FNBP1L: variants seen among roughly 807,000 people sequenced by gnomAD.
The protein encoded by FNBP1L is formin binding protein 1 like.
A neutral mutation model predicts 91.2 loss-of-function variants in FNBP1L; 36 were observed. The ratio of observed to expected loss-of-function variants is 0.39; its 90% CI spans 0.30 to 0.52. FNBP1L has a LOEUF of 0.52. Among genes scored for constraint, FNBP1L ranks in the 20% least tolerant of loss-of-function variants. FNBP1L has a pLI of 0.66. For missense variants in FNBP1L, 571 were observed against 732.1 expected, an observed-to-expected ratio of 0.78 and a Z score of 2.54; for synonymous variants, 242 against 237.0, an observed-to-expected ratio of 1.02 and a Z score of -0.19.
At chr1:93,528,099 C>T (rs577682012) in intron 5 of FNBP1L, among the ~76,000 whole-genome samples, 10 of 151,928 alleles carry the variant, frequency 6.6e-5, no homozygotes, top group Non-Finnish European at 1.5e-4. Flanking sequence ...AGGTTCATTT[C>T]CAAAATAGTA....
chr1:93,517,043 CTTT>C (rs370353493), intron 2 of FNBP1L, among the ~76,000 whole-genome samples: 6 of 141,408 alleles, frequency 4.2e-5, no homozygotes, highest in Non-Finnish European at 4.6e-5. Flanking sequence ...TTTCCTCTTC[CTTT>C]TTTTTTTTTT....
At chr1:93,504,589 C>T (rs539114172) in intron 2 of FNBP1L, among the ~76,000 whole-genome samples, 14 of 152,146 alleles carry the variant, frequency 9.2e-5, no homozygotes, top group African/African-American at 2.4e-4. Context: ...CTCTTTTGTC[C>T]GGCTGAAAGA....
intron 4 of FNBP1L, 134 bp downstream of exon 4, chr1:93,523,625 A>G (rs1406227283): frequency 1.1e-6 from 1 of 911,134 alleles, no homozygotes; most frequent in African/African-American, 1.7e-5. Flanking sequence ...GCTAAAAATT[A>G]TCACAAAATA....
At chr1:93,517,333 CT>C (rs375386698) in intron 2 of FNBP1L, among the ~76,000 whole-genome samples, 42 of 151,242 alleles carry the variant, frequency 2.8e-4, no homozygotes, top group African/African-American at 9.4e-4. Context: ...TCTTTTTTTT[CT>C]TTTTTTTAAG....
intron 1 of FNBP1L, among the ~76,000 whole-genome samples, chr1:93,490,341 G>T (rs2101716616): frequency 6.6e-6 from 1 of 152,170 alleles, no homozygotes; most frequent in Admixed American, 6.5e-5. Flanking sequence ...CTTTAATTTA[G>T]AATATTTTCC....
At position 93,547,378 on chromosome 1, in the gene FNBP1L, G is replaced by A. The variant is rs374491712; in HGVS notation, c.1439G>A (p.Gly480Asp). The A allele has an allele frequency of 2.0e-5, 32 of 1,562,338 alleles. No individual in the cohort carries two copies. The African/African-American group carries it at 3.5e-4, about 17-fold the overall frequency. The change falls in exon 14 of 17, where the codon GGT (glycine) becomes GAT (aspartate). Residue 480 changes from glycine to aspartate, a missense_variant. Gly to Asp is a moderately conservative substitution (Grantham distance 94, BLOSUM62 -1). This residue lies in a region of FNBP1L where 189 missense variants were observed against 219.7 expected (regional missense o/e 0.86). Coordinates refer to ENST00000271234, the MANE Select transcript of FNBP1L (RefSeq NM_001164473.3). The stretch of plus-strand genomic sequence containing the variant: ...CTCTCTGAAGTCGAAGGCAAAACAG[G>A]TGGGAGAGGAGACAGAAGACATAGC... Reference protein sequence around the residue: ...AWLSEVEGKTGGRGDRRHSSD... With the variant: ...AWLSEVEGKTDGRGDRRHSSD...
chr1:93,536,327 A>G lies in FNBP1L; in HGVS notation c.991-5A>G, dbSNP rs1671849364. The G allele has an allele frequency of 3.4e-6, 5 of 1,459,710 alleles. No homozygotes were observed. The highest frequency in any genetic ancestry group is 3.6e-6 in the Non-Finnish European group (4 of 1,104,938). 90.4% of individuals were successfully genotyped at this position (1,459,710 alleles called of 1,614,324 possible). A position where few individuals can be genotyped will look rare whatever the true frequency, so the allele number is the denominator to read the frequency against. ...TATTGATTCCTTTCTTTATTTCCATATTAGCCACAGTCCCCACCCTTAACC... is the reference window on the plus strand; with the variant it reads ...TATTGATTCCTTTCTTTATTTCCATGTTAGCCACAGTCCCCACCCTTAACC... On this transcript the variant is annotated splice_polypyrimidine_tract_variant and splice_region_variant and intron_variant, in intron 9 of 16. Transcript: ENST00000271234.
Position 93,523,445 on chromosome 1 carries a change from G to A in FNBP1L, c.296G>A (p.Gly99Asp). The A allele has an allele frequency of 1.2e-6, 2 of 1,610,322 alleles. No individual in the cohort carries two copies. Among genetic ancestry groups the A allele is most frequent in the Non-Finnish European group, 1.7e-6 (2 of 1,178,154 alleles). ...GAAGAAATGGCGCACAGAGTGTATGGTGAATTAATGAGATATGCTCATGAT... is the reference window on the plus strand; with the variant it reads ...GAAGAAATGGCGCACAGAGTGTATGATGAATTAATGAGATATGCTCATGAT... ...VAEEMAHRVY[G>D]ELMRYAHDLK... The change falls in exon 4 of 17, where the codon GGT becomes GAT. Residue 99 changes from glycine to aspartate, a missense_variant. Gly to Asp is a moderately conservative substitution (Grantham distance 94). This residue lies in a region of FNBP1L where 220 missense variants were observed against 313.6 expected (regional missense o/e 0.70). Coordinates refer to ENST00000271234, the MANE Select transcript of FNBP1L (RefSeq NM_001164473.3).
intron 1 of FNBP1L, among the ~76,000 whole-genome samples, chr1:93,468,488 T>A (rs1233891929): frequency 6.6e-6 from 1 of 152,224 alleles, no homozygotes; most frequent in Non-Finnish European, 1.5e-5. Context: ...TGGAGTGCAG[T>A]GGCACAGTCT....
intron 1 of FNBP1L, among the ~76,000 whole-genome samples, chr1:93,487,779 T>C (rs566841980): frequency 2.0e-5 from 3 of 152,234 alleles, no homozygotes; most frequent in Non-Finnish European, 4.4e-5. Flanking sequence ...CTCCTCAGTG[T>C]CCTTTGCTGG....
chr1:93,547,465 A>T, intron 14 of FNBP1L, 24 bp downstream of exon 14: 1 of 1,529,102 alleles, frequency 6.5e-7, no homozygotes, highest in Non-Finnish European at 8.9e-7. Context: ...TTTTATTTGT[A>T]TTTCTTCTCC....
At chr1:93,549,471 T>C in intron 15 of FNBP1L, 45 bp downstream of exon 15, 1 of 1,422,462 alleles carries the variant, frequency 7.0e-7, no homozygotes. Flanking sequence ...ATTGGTTCTT[T>C]AAAAGTATTT....
In FNBP1L at chr1:93,499,507, A is replaced by G. The variant is rs1670375646; in HGVS notation, c.64A>G (p.Ile22Val). The G allele has an allele frequency of 6.2e-7, 1 of 1,606,000 alleles. No homozygotes were observed. The highest frequency in any genetic ancestry group is 8.5e-7 in the Non-Finnish European group (1 of 1,176,340). The change falls in exon 2 of 17, where the codon ATT becomes GTT. Residue 22 changes from isoleucine to valine, a missense_variant. Physicochemically the swap from Ile to Val is conservative, Grantham distance 29 (BLOSUM62 3). Coordinates refer to ENST00000271234, the MANE Select transcript of FNBP1L (RefSeq NM_001164473.3). ...DSLDKHTQWG[I>V]DFLERYAKFV... is the part of the protein sequence containing the mutation. ...CTTAGACAAGCATACACAATGGGGA[A>G]TTGACTTCTTGGAAAGATATGCCAA...
chr1:93,449,517 T>C lies in FNBP1L; in HGVS notation c.24+1212T>C, dbSNP rs538788654. Among the ~76,000 whole-genome samples, 65 of 152,258 alleles carry C rather than the reference T, an allele frequency of 4.3e-4. 1 individual carries two copies. Among genetic ancestry groups the C allele is most frequent in the Admixed American group, 1.4e-3 (21 of 15,304 alleles). ...CCAATGGGTTAATTGAAAGGCAAAATGTTTTCTTATTTTTCACGTCTACTC... is the reference window on the plus strand; with the variant it reads ...CCAATGGGTTAATTGAAAGGCAAAACGTTTTCTTATTTTTCACGTCTACTC... On this transcript the variant is annotated intron_variant, in intron 1 of 16. Transcript: ENST00000271234.
At chr1:93,527,515 A>C (rs1050071790) in intron 5 of FNBP1L, among the ~76,000 whole-genome samples, 1 of 152,164 alleles carries the variant, frequency 6.6e-6, no homozygotes, top group Non-Finnish European at 1.5e-5. Context: ...CTTCTGAGGA[A>C]TTCTCAGAGC....
intron 2 of FNBP1L, among the ~76,000 whole-genome samples, chr1:93,510,350 T>G (rs1410147804): frequency 2.0e-5 from 3 of 152,190 alleles, no homozygotes; most frequent in Non-Finnish European, 2.9e-5. Flanking sequence ...AGGGGCAGAC[T>G]GACACCTCAC....
At chr1:93,503,486 C>T (rs1670504371) in intron 2 of FNBP1L, among the ~76,000 whole-genome samples, 1 of 152,154 alleles carries the variant, frequency 6.6e-6, no homozygotes, top group Non-Finnish European at 1.5e-5. Context: ...ATTAAAATTT[C>T]TTAATCTTTG....
chr1:93,515,317 G>T (rs1246723011), intron 2 of FNBP1L, among the ~76,000 whole-genome samples: 1 of 151,146 alleles, frequency 6.6e-6, no homozygotes, highest in Non-Finnish European at 1.5e-5. Flanking sequence ...ACTGTTGGTG[G>T]GACTGTAAAC....
At chr1:93,462,098 T>C (rs1181102490) in intron 1 of FNBP1L, among the ~76,000 whole-genome samples, 1 of 152,200 alleles carries the variant, frequency 6.6e-6, no homozygotes, top group Non-Finnish European at 1.5e-5. Context: ...GAGAAGATAC[T>C]TTAGGGACTG....
Sources: allele counts gnomAD v4.1 joint callset (sites outside exome capture counted in the v4.1 genomes callset), GRCh38; gene constraint gnomAD v4.1.1; regional missense constraint gnomAD v4.1.1; transcripts MANE v1.5; gene names NCBI Gene and HGNC (gene_info 2026-07-23, HGNC 2026-07-21).